Variants in CTNND2 observed in about 807,000 individuals in gnomAD.
CTNND2 encodes the protein catenin delta-2.
A neutral mutation model predicts 144.4 loss-of-function variants in CTNND2; 22 were observed. That is an observed-to-expected ratio of 0.15 (90% CI 0.11 to 0.22). CTNND2 has a LOEUF of 0.22. Ranked by LOEUF, CTNND2 falls within the 10% of genes least tolerant of loss-of-function variation. The pLI is 1.00. For missense variants in CTNND2, 1,353 were observed against 1,618.8 expected (o/e 0.84, Z 2.82); for synonymous variants, 751 against 695.6 (o/e 1.08, Z -1.25).
At chr5:11,708,933 TCTC>T (rs1257221962) in intron 2 of CTNND2, among the ~76,000 whole-genome samples, 4 of 152,178 alleles carry the variant, frequency 2.6e-5, no homozygotes, top group Non-Finnish European at 5.9e-5. Context: ...CTTGTGTCTG[TCTC>T]CTTTCACCTA....
At chr5:11,508,695 T>C (rs1026889421) in intron 3 of CTNND2, among the ~76,000 whole-genome samples, 1 of 152,174 alleles carries the variant, frequency 6.6e-6, no homozygotes, top group African/African-American at 2.4e-5. Flanking sequence ...GTGGATCACC[T>C]GAGATCATGA....
intron 21 of CTNND2, among the ~76,000 whole-genome samples, chr5:10,979,930 C>T (rs55720463): frequency 0.019 from 2,962 of 152,240 alleles, 37 homozygotes; most frequent in Admixed American, 0.032. Context: ...CTTAAACATA[C>T]GACCCAGGAC....
chr5:11,277,501 T>A (rs1386944237), intron 9 of CTNND2, among the ~76,000 whole-genome samples: 1 of 47,018 alleles, frequency 2.1e-5, no homozygotes, highest in East Asian at 3.6e-4. Flanking sequence ...TTTTTAAAAA[T>A]ATTTATTTAT....
intron 16 of CTNND2, among the ~76,000 whole-genome samples, chr5:11,036,790 A>G (rs1449222562): frequency 6.6e-6 from 1 of 152,184 alleles, no homozygotes; most frequent in Non-Finnish European, 1.5e-5. Context: ...TCTTCACTTT[A>G]TGAGAAAAGG....
chr5:11,438,754 TAGAAAAAC>T (rs1763994905), intron 3 of CTNND2, among the ~76,000 whole-genome samples: 1 of 152,190 alleles, frequency 6.6e-6, no homozygotes, highest in Non-Finnish European at 1.5e-5. Flanking sequence ...AATCGGTATC[TAGAAAAAC>T]ATGATTTAAT....
intron 16 of CTNND2, among the ~76,000 whole-genome samples, chr5:11,033,605 C>T (rs558132697): frequency 4.6e-5 from 7 of 152,096 alleles, no homozygotes; most frequent in East Asian, 1.9e-4. Flanking sequence ...CCAAGGTGGG[C>T]GAATCATGAG....
chr5:11,690,412 G>T (rs146490976), intron 2 of CTNND2, among the ~76,000 whole-genome samples: 65 of 152,244 alleles, frequency 4.3e-4, no homozygotes, highest in African/African-American at 1.5e-3. Context: ...GAAGCAAAAT[G>T]AAAAGCACAT....
chr5:11,392,277 A>G (rs148277167), intron 6 of CTNND2, among the ~76,000 whole-genome samples: 3 of 152,312 alleles, frequency 2.0e-5, no homozygotes, highest in African/African-American at 4.8e-5. Flanking sequence ...TTATCAGTAA[A>G]TGTTCTGAAA....
In CTNND2 at chr5:11,346,521, G is replaced by T. The variant is rs752135363; in HGVS notation, c.1479C>A (p.Ala493=). 3.1e-6 allele frequency: 5 copies of T among 1,605,540 alleles called. No individual in the cohort carries two copies. The highest frequency in any genetic ancestry group is 3.4e-6 in the Non-Finnish European group (4 of 1,176,328). Reference sequence around the variant, plus strand: ...GGTCCGCGTAATTGGAGGCTGGGCCGGCGGCATAGCTGGCCCTCTGGAAGG... The same window carrying T: ...GGTCCGCGTAATTGGAGGCTGGGCCTGCGGCATAGCTGGCCCTCTGGAAGG... ...AATFQRASYA[A]GPASNYADPY... is the part of the protein sequence containing the mutation. The change falls in exon 9 of 22, where the codon GCC becomes GCA. Residue 493 remains alanine (A), a synonymous_variant. Coordinates refer to ENST00000304623, the MANE Select transcript of CTNND2 (RefSeq NM_001332.4).
intron 3 of CTNND2, among the ~76,000 whole-genome samples, chr5:11,503,226 T>C (rs1770704412): frequency 1.3e-5 from 2 of 152,320 alleles, no homozygotes; most frequent in East Asian, 1.9e-4. Flanking sequence ...ACACAGCTTA[T>C]TAAAGCTCCT....
chr5:11,180,455 T>C (rs1315657721), intron 11 of CTNND2, among the ~76,000 whole-genome samples: 1 of 152,170 alleles, frequency 6.6e-6, no homozygotes, highest in East Asian at 1.9e-4. Flanking sequence ...GGTTAATATT[T>C]AAAGCATTTA....
chr5:11,325,677 G>A (rs1207921290), intron 9 of CTNND2, among the ~76,000 whole-genome samples: 1 of 151,636 alleles, frequency 6.6e-6, no homozygotes, highest in Non-Finnish European at 1.5e-5. Flanking sequence ...CTTGAAAATT[G>A]AATTCCTGGC....
chr5:11,086,365 C>A (rs765864827), intron 15 of CTNND2, among the ~76,000 whole-genome samples: 6 of 152,150 alleles, frequency 3.9e-5, no homozygotes, highest in Non-Finnish European at 5.9e-5. Context: ...ATGGACACCA[C>A]ACCCCCATCC....
intron 6 of CTNND2, among the ~76,000 whole-genome samples, chr5:11,392,438 G>A (rs949135345): frequency 2.0e-5 from 3 of 152,122 alleles, no homozygotes; most frequent in East Asian, 1.9e-4. Context: ...AAACCTACAT[G>A]AGCACCCGCA....
chr5:11,849,484 C>T (rs1794914072), intron 1 of CTNND2, among the ~76,000 whole-genome samples: 1 of 152,090 alleles, frequency 6.6e-6, no homozygotes, highest in African/African-American at 2.4e-5. Context: ...CCTAGTACTC[C>T]AGGTTAAGTT....
Position 11,602,660 on chromosome 5 carries a change from T to C in CTNND2, c.175-37604A>G, listed in dbSNP as rs138436055. ...CTAGATATATGTAAAATATATATAT[T>C]ATATATAATATATATTATAGAAAAT... On this transcript the variant is annotated intron_variant, in intron 2 of 21. Transcript: ENST00000304623. 8.5e-3 allele frequency among the ~76,000 whole-genome samples: 1,251 copies of C among 146,496 alleles called. 12 individuals carry two copies. Among genetic ancestry groups the C allele is most frequent in the African/African-American group, 0.029 (1,171 of 40,348 alleles).
intron 15 of CTNND2, among the ~76,000 whole-genome samples, chr5:11,089,252 A>C (rs1355237322): frequency 6.8e-6 from 1 of 147,780 alleles, no homozygotes; most frequent in African/African-American, 2.6e-5. Flanking sequence ...AGCAGTTAGC[A>C]CTCTCCTAAA....
intron 6 of CTNND2, among the ~76,000 whole-genome samples, chr5:11,388,966 C>A (rs1486147381): frequency 1.3e-5 from 2 of 152,274 alleles, no homozygotes; most frequent in South Asian, 2.1e-4. Flanking sequence ...TACTGCTTCC[C>A]TGCAGATATT....
intron 5 of CTNND2, among the ~76,000 whole-genome samples, chr5:11,405,773 A>AGG (rs201781224): frequency 6.6e-6 from 1 of 151,934 alleles, no homozygotes; most frequent in Admixed American, 6.6e-5. Context: ...TACCCGAGGT[A>AGG]GGGGGGGAAG....
Sources: gnomAD v4.1 joint callset for allele counts (sites outside exome capture counted in the v4.1 genomes callset) on GRCh38, gnomAD v4.1.1 for gene constraint, MANE v1.5 for transcripts, NCBI Gene and HGNC (gene_info 2026-07-23, HGNC 2026-07-21) for gene names.